Variants in HECA observed in about 807,000 individuals in gnomAD.
The protein encoded by HECA is headcase protein homolog.
In HECA, 13 loss-of-function variants were observed where a neutral mutation model predicts 37.6. That is an observed-to-expected ratio of 0.35 (90% CI 0.23 to 0.55). HECA has a LOEUF of 0.55. Ranked by LOEUF, HECA falls within the 20% of genes least tolerant of loss-of-function variation. HECA has a pLI of 0.90. For synonymous variants in HECA, 307 were observed against 291.5 expected, an observed-to-expected ratio of 1.05 and a Z score of -0.54; for missense variants, 527 against 701.9, an observed-to-expected ratio of 0.75 and a Z score of 2.82.
chr6:139,171,085 T>C (rs1353945656), intron 2 of HECA, among the ~76,000 whole-genome samples: 1 of 152,068 alleles, frequency 6.6e-6, no homozygotes, highest in Non-Finnish European at 1.5e-5. Flanking sequence ...TTTCTGTGTG[T>C]TGGGTTTGAA....
chr6:139,150,511 CTT>C (rs1412544223), intron 1 of HECA, among the ~76,000 whole-genome samples: 4 of 149,892 alleles, frequency 2.7e-5, no homozygotes, highest in African/African-American at 9.8e-5. Context: ...AAAAAGATGA[CTT>C]TGAGTAATTT....
rs116390182 is a variant in HECA at position 139,157,466 on chromosome 6, A to G, written c.272-8818A>G. On this transcript the variant is annotated intron_variant, in intron 1 of 3. Transcript: ENST00000367658. ...ATAACAGAGTACTTATTTGTCTGACACTGAGAAGAACATCTTCATGGGGTT... is the reference window on the plus strand; with the variant it reads ...ATAACAGAGTACTTATTTGTCTGACGCTGAGAAGAACATCTTCATGGGGTT... Among the ~76,000 whole-genome samples the G allele has an allele frequency of 4.1e-3, 623 of 152,322 alleles. 2 individuals are homozygous for G. The highest frequency in any genetic ancestry group is 0.014 in the African/African-American group (592 of 41,574).
chr6:139,176,106 G>A lies in HECA; in HGVS notation c.1468-835G>A, dbSNP rs888015197. ...TTTTAATGTTGTTCAGAGAGATTAC[G>A]TAGTTAAAAGAGTGTTTATCTCAGG... On this transcript the variant is annotated intron_variant, in intron 3 of 3. Coordinates refer to ENST00000367658, the MANE Select transcript of HECA (RefSeq NM_016217.3). This position sits in a 1 kb window ranked among gnomAD's most constrained non-coding sequence, Gnocchi z 4.5. Among the ~76,000 whole-genome samples, 26 of 152,194 alleles carry A rather than the reference G, an allele frequency of 1.7e-4. No individual in the cohort carries two copies. Among genetic ancestry groups the A allele is most frequent in the Non-Finnish European group, 2.8e-4 (19 of 68,036 alleles).
chr6:139,151,062 A>C (rs1774644069), intron 1 of HECA: 2 of 152,130 alleles, frequency 1.3e-5, no homozygotes, highest in East Asian at 3.9e-4. Flanking sequence ...TCCTTGTTGC[A>C]ACAGATTCTA....
chr6:139,158,230 C>T (rs923811986), intron 1 of HECA, among the ~76,000 whole-genome samples: 1 of 151,888 alleles, frequency 6.6e-6, no homozygotes, highest in Non-Finnish European at 1.5e-5. Context: ...GGGCTGGGCT[C>T]GGTGGCTCAT....
chr6:139,157,763 C>T (rs1774737970), intron 1 of HECA, among the ~76,000 whole-genome samples: 1 of 152,164 alleles, frequency 6.6e-6, no homozygotes. Context: ...AGGCTGGCAC[C>T]TCCCTGGGCT....
In HECA at chr6:139,177,303, C is replaced by T; in HGVS notation, c.*198C>T. 1 of 450,610 alleles carries T rather than the reference C, an allele frequency of 2.2e-6. No homozygotes were observed. Among genetic ancestry groups the T allele is most frequent in the East Asian group, 3.3e-5 (1 of 29,984 alleles). 27.9% of individuals were successfully genotyped at this position (450,610 alleles called of 1,614,324 possible). The stretch of plus-strand genomic sequence containing the variant: ...TGTTAATCTGTGGTTTTGACCAGAG[C>T]CCAGATGGGTAATCCTGTGCATTTG... On this transcript the variant is annotated 3_prime_UTR_variant, in exon 4 of 4. Coordinates refer to ENST00000367658, the MANE Select transcript of HECA (RefSeq NM_016217.3). The surrounding 1 kb of genome is among the most constrained non-coding windows in gnomAD (Gnocchi z 4.9).
chr6:139,135,578 G>A lies in HECA; in HGVS notation c.182G>A (p.Gly61Glu). Residue 61 changes from glycine to glutamate, a missense_variant, in exon 1 of 4, where the codon GGA becomes GAA. Around this residue, in one of 4 missense-constraint regions of HECA, gnomAD observed 172 missense variants for 197.6 expected, o/e 0.87. Coordinates refer to ENST00000367658, the MANE Select transcript of HECA (RefSeq NM_016217.3). The stretch of plus-strand genomic sequence containing the variant: ...GCGGCGGCGGGCGCGCCGGGCGCCG[G>A]AGGCGCGGCGGGCGCCGGAGGCGCG... The part of the protein sequence containing the change: ...GAAAAGAPGA[G>E]GAAGAGGAGT... 1 of 946,418 alleles carries A rather than the reference G, an allele frequency of 1.1e-6. No individual in the cohort carries two copies. The highest frequency in any genetic ancestry group is 1.3e-6 in the Non-Finnish European group (1 of 798,730). 58.6% of individuals were successfully genotyped at this position (946,418 alleles called of 1,614,324 possible). A position where few individuals can be genotyped will look rare whatever the true frequency, so the allele number is the denominator to read the frequency against.
intron 1 of HECA, among the ~76,000 whole-genome samples, chr6:139,157,298 CT>C (rs1774730905): frequency 6.6e-6 from 1 of 152,162 alleles, no homozygotes; most frequent in South Asian, 2.1e-4. Context: ...TCAGCAAGGT[CT>C]TTATGATATG....
rs931985830 is a variant in HECA at position 139,141,788 on chromosome 6, A to G, written c.271+6121A>G. Among the ~76,000 whole-genome samples the G allele has an allele frequency of 4.9e-5, 7 of 143,568 alleles. No homozygotes were observed. In the South Asian group the frequency reaches 6.5e-4, roughly 13 times the overall value. 94.2% of individuals were successfully genotyped at this position (143,568 alleles called of 152,430 possible). A position where few individuals can be genotyped will look rare whatever the true frequency, so the allele number is the denominator to read the frequency against. On this transcript the variant is annotated intron_variant, in intron 1 of 3. Transcript: ENST00000367658. ...TTTTTTTTTGAGACAGAGTCTCACT[A>G]TGTCACCAGGCTAGAGTGTAGTGGC...
chr6:139,161,280 T>C (rs555586998), intron 1 of HECA, among the ~76,000 whole-genome samples: 1 of 152,194 alleles, frequency 6.6e-6, no homozygotes, highest in South Asian at 2.1e-4. Context: ...TATTACTGGG[T>C]GTATTTAACA....
In HECA at chr6:139,177,846, T is replaced by C. The variant is rs2114502455; in HGVS notation, c.*741T>C. ...TAAATTGTGTCTTTGAAGTTGGTAA[T>C]ATAGCTTTTAAGGAGAACCCATGAA... is the stretch of plus-strand genomic sequence containing the variant. On this transcript the variant is annotated 3_prime_UTR_variant, in exon 4 of 4. Transcript: ENST00000367658. This position sits in a 1 kb window ranked among gnomAD's most constrained non-coding sequence, Gnocchi z 4.9. 1 of 152,334 alleles carries C rather than the reference T, an allele frequency of 6.6e-6. No homozygotes were observed. Among genetic ancestry groups the C allele is most frequent in the East Asian group, 1.9e-4 (1 of 5,184 alleles). The allele number at this position is 152,334 out of a possible 1,614,324, so 9.4% of individuals were successfully genotyped here. A position where few individuals can be genotyped will look rare whatever the true frequency, so the allele number is the denominator to read the frequency against.
intron 1 of HECA, among the ~76,000 whole-genome samples, chr6:139,147,282 A>G (rs560711245): frequency 6.6e-6 from 1 of 152,138 alleles, no homozygotes; most frequent in African/African-American, 2.4e-5. Context: ...TTCAGTGTAA[A>G]AACACCAATA....
chr6:139,144,164 CATTCATTAGATCCTA>C (rs1774551245), intron 1 of HECA: 1 of 152,142 alleles, frequency 6.6e-6, no homozygotes, highest in Non-Finnish European at 1.5e-5. Context: ...ATTAGATCCT[CATTCATTAGATCCTA>C]ATTCATTGTT....
At chr6:139,140,505 C>T (rs549617349) in intron 1 of HECA, among the ~76,000 whole-genome samples, 6 of 152,308 alleles carry the variant, frequency 3.9e-5, no homozygotes, top group East Asian at 3.9e-4. Flanking sequence ...GTGCTCTATG[C>T]GCAGTCTCGT....
intron 1 of HECA, among the ~76,000 whole-genome samples, chr6:139,158,828 C>T (rs1347548775): frequency 1.3e-5 from 2 of 152,158 alleles, no homozygotes; most frequent in African/African-American, 4.8e-5. Context: ...AATCCCAGCA[C>T]TTTGGGAGGC....
At chr6:139,163,619 G>C (rs1484534150) in intron 1 of HECA, among the ~76,000 whole-genome samples, 2 of 152,200 alleles carry the variant, frequency 1.3e-5, no homozygotes, top group East Asian at 3.9e-4. Context: ...CTTCGAAAGT[G>C]CTGGGATTAC....
At chr6:139,153,508 C>T (rs1327840239) in intron 1 of HECA, among the ~76,000 whole-genome samples, 2 of 151,750 alleles carry the variant, frequency 1.3e-5, no homozygotes, top group East Asian at 1.9e-4. Context: ...CTGCGGTCTC[C>T]GCCTTCCAGG....
At chr6:139,163,569 G>A (rs1172472779) in intron 1 of HECA, among the ~76,000 whole-genome samples, 2 of 152,086 alleles carry the variant, frequency 1.3e-5, no homozygotes, top group Admixed American at 6.5e-5. Context: ...GGCCAGGCTA[G>A]TATCGAACTC....
Sources: allele counts gnomAD v4.1 joint callset (sites outside exome capture counted in the v4.1 genomes callset), GRCh38; gene constraint gnomAD v4.1.1; regional missense constraint gnomAD v4.1.1; non-coding constraint Gnocchi (gnomAD v3.1); transcripts MANE v1.5; gene names NCBI Gene and HGNC (gene_info 2026-07-23, HGNC 2026-07-21).